The following WNT6 variants were observed in gnomAD, a reference collection of about 807,000 sequenced individuals.
The protein encoded by WNT6 is protein Wnt-6.
Under a neutral mutation model 33.1 loss-of-function variants are expected in WNT6, and 27 were observed. The observed-to-expected ratio is 0.82, with a 90% CI of 0.60 to 1.12. The LOEUF (loss-of-function observed/expected upper bound fraction) is 1.12, where lower values mean the gene tolerates loss of function less well. Among genes scored for constraint, WNT6 ranks in the 50% most tolerant of loss-of-function variants. WNT6 has a pLI of 0.00. For missense variants in WNT6, 494 were observed against 535.3 expected (o/e 0.92, Z 0.76); for synonymous variants, 249 against 242.8 (o/e 1.03, Z -0.24).
At chr2:218,862,395 G>C (rs1944317204) in intron 1 of WNT6, among the ~76,000 whole-genome samples, 1 of 151,974 alleles carries the variant, frequency 6.6e-6, no homozygotes. Flanking sequence ...GCCCAGGCTG[G>C]AGTGCAGTGG....
chr2:218,873,568 G>T lies in WNT6; in HGVS notation c.821G>T (p.Arg274Leu). ...GGCAAGGCCCTGCTGCCCGCCGTCCGCACGCTCAAGCCGCCGGGCCGAGCG... is the reference window on the plus strand; with the variant it reads ...GGCAAGGCCCTGCTGCCCGCCGTCCTCACGCTCAAGCCGCCGGGCCGAGCG... ...NDGKALLPAV[R>L]TLKPPGRADL... is the part of the protein sequence containing the mutation. The change falls in exon 4 of 4, where the codon CGC becomes CTC. Residue 274 changes from arginine to leucine, a missense_variant. By Grantham distance (102) the Arg-to-Leu change is moderately radical. Transcript: ENST00000233948. This position sits in a 1 kb window ranked among gnomAD's most constrained non-coding sequence, Gnocchi z 6.1. 2.6e-6 allele frequency: 4 copies of T among 1,538,784 alleles called. No individual in the cohort carries two copies. Among genetic ancestry groups the T allele is most frequent in the Non-Finnish European group, 3.5e-6 (4 of 1,146,498 alleles).
chr2:218,874,090 TCCC>T lies in WNT6; in HGVS notation c.*246_*248del. The T allele has an allele frequency of 4.3e-6, 2 of 466,274 alleles. No individual in the cohort carries two copies. The highest frequency in any genetic ancestry group is 5.1e-5 in the South Asian group (1 of 19,688). The allele number at this position is 466,274 out of a possible 1,614,324, so 28.9% of individuals were successfully genotyped here. ...CGTTTAAAGGACACTGTACAGGCCCTCCCTCCCCTTGGCCTCTAGGAGGAAACA... is the reference window on the plus strand; with the variant it reads ...CGTTTAAAGGACACTGTACAGGCCCTTCCCCTTGGCCTCTAGGAGGAAACA... On this transcript the variant is annotated 3_prime_UTR_variant, in exon 4 of 4. Transcript: ENST00000233948.
intron 1 of WNT6, among the ~76,000 whole-genome samples, chr2:218,866,725 G>T (rs1164141554): frequency 6.6e-6 from 1 of 152,028 alleles, no homozygotes; most frequent in African/African-American, 2.4e-5. Flanking sequence ...CACATGCTAG[G>T]GACTCACTCA....
At position 218,874,187 on chromosome 2, in the gene WNT6, C is replaced by A. The variant is rs1944433713; in HGVS notation, c.*342C>A. The A allele has an allele frequency of 3.2e-6, 1 of 309,920 alleles. No individual in the cohort carries two copies. Among genetic ancestry groups the A allele is most frequent in the Non-Finnish European group, 5.8e-6 (1 of 171,990 alleles). The allele number at this position is 309,920 out of a possible 1,614,324, so 19.2% of individuals were successfully genotyped here. On this transcript the variant is annotated 3_prime_UTR_variant, in exon 4 of 4. Coordinates refer to ENST00000233948, the MANE Select transcript of WNT6 (RefSeq NM_006522.4). ...CTGGGCTCCCCAGAACTGCTGGCCACAGGATGGTGGGTGAGGTTAGTATCA... is the reference window on the plus strand; with the variant it reads ...CTGGGCTCCCCAGAACTGCTGGCCAAAGGATGGTGGGTGAGGTTAGTATCA...
intron 1 of WNT6, among the ~76,000 whole-genome samples, chr2:218,868,740 T>C (rs1382932497): frequency 6.6e-6 from 1 of 152,230 alleles, no homozygotes; most frequent in Non-Finnish European, 1.5e-5. Flanking sequence ...CATTGTATAA[T>C]ATACTACAGG....
Position 218,873,392 on chromosome 2 carries a change from G to C in WNT6, c.645G>C (p.Arg215=). 6.5e-7 allele frequency: 1 copy of C among 1,535,284 alleles called. No individual in the cohort carries two copies. Among genetic ancestry groups the C allele is most frequent in the Non-Finnish European group, 8.7e-7 (1 of 1,145,868 alleles). The change falls in exon 4 of 4, where the codon CGG becomes CGC. Residue 215 remains arginine, a synonymous_variant. Coordinates refer to ENST00000233948, the MANE Select transcript of WNT6 (RefSeq NM_006522.4). This position sits in a 1 kb window ranked among gnomAD's most constrained non-coding sequence, Gnocchi z 6.1. Reference sequence around the variant, plus strand: ...CCCTCTGCCTCCCGCAGGCCGTGCGGAGCCACACGCGCACCGAGTGCAAAT... The same window carrying C: ...CCCTCTGCCTCCCGCAGGCCGTGCGCAGCCACACGCGCACCGAGTGCAAAT... ...HNNEAGRLAV[R]SHTRTECKCH...
intron 1 of WNT6, among the ~76,000 whole-genome samples, chr2:218,864,437 T>A (rs1304699461): frequency 6.6e-6 from 1 of 151,974 alleles, no homozygotes; most frequent in African/African-American, 2.4e-5. Context: ...TTTTTTTTTT[T>A]AGTATTTTTA....
At chr2:218,861,737 C>T (rs755678725) in intron 1 of WNT6, among the ~76,000 whole-genome samples, 27 of 152,188 alleles carry the variant, frequency 1.8e-4, no homozygotes, top group Non-Finnish European at 3.1e-4. Flanking sequence ...CCCTCCCCCT[C>T]TGTCTAAATC....
rs1460357257 is a variant in WNT6, at chr2:218,859,914, C to T, written c.-124C>T. ...ATGGGCCCCCCCGCCGCCGCCGGAT[C>T]CCTCGCCTCCCGGCCGCCGCCGTTG... On this transcript the variant is annotated 5_prime_UTR_variant, in exon 1 of 4. Transcript: ENST00000233948. 9.6e-6 allele frequency: 7 copies of T among 730,754 alleles called. No individual in the cohort carries two copies. Among genetic ancestry groups the T allele is most frequent in the Non-Finnish European group, 1.2e-5 (7 of 566,706 alleles). 45.3% of individuals were successfully genotyped at this position (730,754 alleles called of 1,614,324 possible). A position where few individuals can be genotyped will look rare whatever the true frequency, so the allele number is the denominator to read the frequency against.
At position 218,871,287 on chromosome 2, in the gene WNT6, C is replaced by T. The variant is rs745937575; in HGVS notation, c.301+40C>T. On this transcript the variant is annotated intron_variant, in intron 2 of 3. Transcript: ENST00000233948. This position sits in a 1 kb window ranked among gnomAD's most constrained non-coding sequence, Gnocchi z 6.4. The stretch of plus-strand genomic sequence containing the variant: ...GGGGCGGAAGTGGGGCTGCTTTCTC[C>T]CTGCTGTGGGACCCGAGGAGAGGAG... 2.5e-6 allele frequency: 4 copies of T among 1,576,300 alleles called. No individual in the cohort carries two copies. In the South Asian group the frequency reaches 3.5e-5, roughly 14 times the overall value.
Position 218,871,581 on chromosome 2 carries a change from G to A in WNT6, c.398G>A (p.Gly133Asp), listed in dbSNP as rs997212826. Reference protein sequence around the residue: ...ACSMGELLQCGCQAPRGRAPP... With the variant: ...ACSMGELLQCDCQAPRGRAPP... ...TCTATGGGCGAGCTGCTGCAGTGCG[G>A]CTGCCAGGCGCCCCGCGGGCGGGCC... Residue 133 changes from glycine to aspartate, a missense_variant, in exon 3 of 4, where the codon GGC (glycine) becomes GAC (aspartate). Coordinates refer to ENST00000233948, the MANE Select transcript of WNT6 (RefSeq NM_006522.4). The surrounding 1 kb of genome is among the most constrained non-coding windows in gnomAD (Gnocchi z 6.4). 2.0e-6 allele frequency: 3 copies of A among 1,538,080 alleles called. No homozygotes were observed. The highest frequency in any genetic ancestry group is 2.6e-6 in the Non-Finnish European group (3 of 1,152,628).
At position 218,867,641 on chromosome 2, in the gene WNT6, T is replaced by C. The variant is rs1944364181; in HGVS notation, c.81-3386T>C. ...TGTTTGATGAGGATCCCAGATCCTA[T>C]ATATTGTGTATTCCCTACTACCACT... On this transcript the variant is annotated intron_variant, in intron 1 of 3. Transcript: ENST00000233948. The surrounding 1 kb of genome is among the most constrained non-coding windows in gnomAD (Gnocchi z 4.9). Among the ~76,000 whole-genome samples, 1 of 152,202 alleles carries C rather than the reference T, an allele frequency of 6.6e-6. No individual in the cohort carries two copies. Among genetic ancestry groups the C allele is most frequent in the African/African-American group, 2.4e-5 (1 of 41,440 alleles).
chr2:218,863,363 A>T (rs1944327227), intron 1 of WNT6, among the ~76,000 whole-genome samples: 1 of 152,184 alleles, frequency 6.6e-6, no homozygotes, highest in East Asian at 1.9e-4. Context: ...TCCCACTCTG[A>T]CATTCTAGCA....
At position 218,873,984 on chromosome 2, in the gene WNT6, T is replaced by G; in HGVS notation, c.*139T>G. 1 of 1,003,006 alleles carries G rather than the reference T, an allele frequency of 1.0e-6. No homozygotes were observed. Among genetic ancestry groups the G allele is most frequent in the Non-Finnish European group, 1.4e-6 (1 of 729,724 alleles). The allele number at this position is 1,003,006 out of a possible 1,614,324, so 62.1% of individuals were successfully genotyped here. A position where few individuals can be genotyped will look rare whatever the true frequency, so the allele number is the denominator to read the frequency against. Reference sequence around the variant, plus strand: ...AGCCCAACTCCCAGGGCTCTGGAAATGGTGAGGCGAGGGGCTTGAGAGGAA... The same window carrying G: ...AGCCCAACTCCCAGGGCTCTGGAAAGGGTGAGGCGAGGGGCTTGAGAGGAA... On this transcript the variant is annotated 3_prime_UTR_variant, in exon 4 of 4. Transcript: ENST00000233948. This position sits in a 1 kb window ranked among gnomAD's most constrained non-coding sequence, Gnocchi z 6.1.
chr2:218,866,026 G>A (rs918837527), intron 1 of WNT6, among the ~76,000 whole-genome samples: 8 of 151,884 alleles, frequency 5.3e-5, no homozygotes, highest in Non-Finnish European at 1.0e-4. Context: ...TGGGGGAGGG[G>A]AGCAGTAATT....
intron 1 of WNT6, among the ~76,000 whole-genome samples, chr2:218,870,684 A>G (rs1252338310): frequency 1.3e-5 from 2 of 151,972 alleles, no homozygotes; most frequent in East Asian, 3.9e-4. Flanking sequence ...TTTCCTTGTC[A>G]CCCTTTTGGG....
chr2:218,864,361 G>A (rs1420185533), intron 1 of WNT6, among the ~76,000 whole-genome samples: 4 of 152,124 alleles, frequency 2.6e-5, no homozygotes, highest in East Asian at 1.9e-4. Flanking sequence ...CCGGGTTCAA[G>A]TGATTCTCCT....
At chr2:218,868,723 T>C (rs1944373813) in intron 1 of WNT6, among the ~76,000 whole-genome samples, 1 of 152,230 alleles carries the variant, frequency 6.6e-6, no homozygotes, top group African/African-American at 2.4e-5. Flanking sequence ...ACATATTAGA[T>C]GGTGTTCATT....
At position 218,871,309 on chromosome 2, in the gene WNT6, G is replaced by A. The variant is rs1944398477; in HGVS notation, c.301+62G>A. The stretch of plus-strand genomic sequence containing the variant: ...CTCCCTGCTGTGGGACCCGAGGAGA[G>A]GAGAACTGGTTCGCTGAAGTTGCCT... On this transcript the variant is annotated intron_variant, in intron 2 of 3. Transcript: ENST00000233948. The surrounding 1 kb of genome is among the most constrained non-coding windows in gnomAD (Gnocchi z 6.4). 1 of 1,553,908 alleles carries A rather than the reference G, an allele frequency of 6.4e-7. No homozygotes were observed. Among genetic ancestry groups the A allele is most frequent in the Admixed American group, 1.8e-5 (1 of 56,686 alleles).
Sources: gnomAD v4.1 joint callset for allele counts (sites outside exome capture counted in the v4.1 genomes callset) on GRCh38, gnomAD v4.1.1 for gene constraint, Gnocchi (gnomAD v3.1) non-coding constraint, MANE v1.5 for transcripts, NCBI Gene and HGNC (gene_info 2026-07-23, HGNC 2026-07-21) for gene names.